The following C2CD5 variants were observed in gnomAD, a reference collection of about 807,000 sequenced individuals.
C2CD5 encodes C2 calcium dependent domain containing 5, also known as C2 domain-containing protein 5.
C2CD5 carries 109 observed loss-of-function variants against 130.3 expected under a neutral mutation model. The ratio of observed to expected loss-of-function variants is 0.84; its 90% confidence interval spans 0.72 to 0.98. The LOEUF (loss-of-function observed/expected upper bound fraction) is 0.98, where lower values mean the gene tolerates loss of function less well. Among genes scored for constraint, C2CD5 ranks in the 50% least tolerant of loss-of-function variants. C2CD5 has a pLI of 0.00. For synonymous variants in C2CD5, 454 were observed against 429.2 expected (o/e 1.06, Z -0.71); for missense variants, 996 against 1,261.8 (o/e 0.79, Z 3.19).
intron 3 of C2CD5, 181 bp downstream of exon 3, chr12:22,535,077 G>A (rs10842035): frequency 0.093 from 52,368 of 560,810 alleles, 5,675 homozygotes; most frequent in African/African-American, 0.41. Flanking sequence ...ATCATATACT[G>A]TATTTTCTTA....
chr12:22,455,890 G>C (rs1456316108), intron 25 of C2CD5, among the ~76,000 whole-genome samples: 1 of 152,094 alleles, frequency 6.6e-6, no homozygotes, highest in African/African-American at 2.4e-5. Context: ...TCGTCATGTT[G>C]GTCAGGCTGG....
At chr12:22,519,185 T>C in intron 7 of C2CD5, 1 of 1,535,738 alleles carries the variant, frequency 6.5e-7, no homozygotes, top group Non-Finnish European at 8.7e-7. Flanking sequence ...CAGTGTGAAT[T>C]GGGCTGTTGT....
chr12:22,527,931 T>A (rs751988257), intron 3 of C2CD5, 39 bp from the exon 4 acceptor site: 18 of 1,309,512 alleles, frequency 1.4e-5, no homozygotes, highest in African/African-American at 1.2e-4. Context: ...ATATAGTTTT[T>A]AAATCTTAAT....
At chr12:22,493,847 C>A (rs1326899290) in intron 10 of C2CD5, among the ~76,000 whole-genome samples, 1 of 151,458 alleles carries the variant, frequency 6.6e-6, no homozygotes, top group Non-Finnish European at 1.5e-5. Context: ...AGCCATCCTT[C>A]TACAGAGATG....
intron 2 of C2CD5, among the ~76,000 whole-genome samples, chr12:22,542,462 A>G (rs1165745478): frequency 6.6e-6 from 1 of 152,222 alleles, no homozygotes; most frequent in African/African-American, 2.4e-5. Flanking sequence ...CACTACCCAC[A>G]TATCTCATAC....
At chr12:22,472,212 A>G in intron 18 of C2CD5, 74 bp downstream of exon 18, 1 of 980,794 alleles carries the variant, frequency 1.0e-6, no homozygotes, top group Non-Finnish European at 1.5e-6. Flanking sequence ...AAAAAAAAAA[A>G]GACAAATATT....
Position 22,458,526 on chromosome 12 carries a change from T to A in C2CD5, c.2644A>T (p.Lys882Ter). ...DRCSSWIELIKLKAQTIRRGS... is the reference protein window; with the variant it reads ...DRCSSWIELI Reference sequence around the variant, plus strand: ...CGCCTTATGGTCTGAGCTTTCAGTTTAATGAGCTCTATCCAGCTGCTGCAT... The same window carrying A: ...CGCCTTATGGTCTGAGCTTTCAGTTAAATGAGCTCTATCCAGCTGCTGCAT... Residue 882 changes from lysine to a stop codon, truncating the protein, a stop_gained, in exon 24 of 27, where the codon AAA becomes TAA. Transcript: ENST00000446597. LOFTEE classifies it high-confidence loss of function. The A allele has an allele frequency of 7.6e-7, 1 of 1,308,750 alleles. No homozygotes were observed. The allele number at this position is 1,308,750 out of a possible 1,614,324, so 81.1% of individuals were successfully genotyped here. A position where few individuals can be genotyped will look rare whatever the true frequency, so the allele number is the denominator to read the frequency against.
At chr12:22,450,608 A>G (rs773038617) in intron 26 of C2CD5, among the ~76,000 whole-genome samples, 22 of 152,122 alleles carry the variant, frequency 1.4e-4, no homozygotes, top group Non-Finnish European at 3.2e-4. Flanking sequence ...CTATATTTAT[A>G]TAAAGAATAT....
rs772718244 is a variant in C2CD5, at chr12:22,544,166, C to T, written c.-16G>A. ...TCCCTGGCATGGTCTCGGTTTCGGC[C>T]TCTTCTTGGGCTCCTGCAGAAACAA... On this transcript the variant is annotated 5_prime_UTR_variant, in exon 2 of 27. Coordinates refer to ENST00000446597, the MANE Select transcript of C2CD5 (RefSeq NM_001286176.2). 4.6e-5 allele frequency: 74 copies of T among 1,613,204 alleles called. No homozygotes were observed. The Middle Eastern group carries it at 1.5e-3, about 32-fold the overall frequency.
chr12:22,491,045 C>T (rs985793919), intron 11 of C2CD5, among the ~76,000 whole-genome samples: 1 of 152,152 alleles, frequency 6.6e-6, no homozygotes, highest in Non-Finnish European at 1.5e-5. Context: ...AACATGAAAC[C>T]ACTGATGTCT....
At chr12:22,470,709 G>T in intron 21 of C2CD5, 115 bp downstream of exon 21, 1 of 644,760 alleles carries the variant, frequency 1.6e-6, no homozygotes, top group Non-Finnish European at 2.7e-6. Flanking sequence ...AGAAAAAGCA[G>T]CAAATATTCT....
At chr12:22,526,979 C>T (rs1036925276) in intron 4 of C2CD5, among the ~76,000 whole-genome samples, 1 of 152,150 alleles carries the variant, frequency 6.6e-6, no homozygotes, top group African/African-American at 2.4e-5. Flanking sequence ...ATGGCAAAAC[C>T]GTGTCTCTAC....
intron 11 of C2CD5, among the ~76,000 whole-genome samples, chr12:22,491,586 A>C (rs111557474): frequency 5.9e-5 from 9 of 152,210 alleles, no homozygotes; most frequent in African/African-American, 1.9e-4. Context: ...CTAAAACCAT[A>C]TCTCTGGCCG....
intron 4 of C2CD5, among the ~76,000 whole-genome samples, chr12:22,527,401 C>A (rs1235898451): frequency 1.0e-4 from 15 of 149,850 alleles, no homozygotes; most frequent in Non-Finnish European, 2.1e-4. Flanking sequence ...TCACCACAAC[C>A]TCCGCCTCCC....
chr12:22,519,050 G>A, intron 7 of C2CD5: 3 of 1,436,668 alleles, frequency 2.1e-6, no homozygotes, highest in Admixed American at 2.2e-5. Context: ...CTGCCTGCCT[G>A]CCTCTGCAGC....
At chr12:22,538,175 T>C (rs1344067969) in intron 2 of C2CD5, among the ~76,000 whole-genome samples, 1 of 152,244 alleles carries the variant, frequency 6.6e-6, no homozygotes, top group African/African-American at 2.4e-5. Context: ...ACCTCTTCTT[T>C]GTGTAAAAGT....
rs375227620 is a variant in C2CD5, at chr12:22,544,171, C to G, written c.-21G>C. The G allele has an allele frequency of 6.2e-7, 1 of 1,611,510 alleles. No homozygotes were observed. The highest frequency in any genetic ancestry group is 2.2e-5 in the East Asian group (1 of 44,834). ...GGCATGGTCTCGGTTTCGGCCTCTTCTTGGGCTCCTGCAGAAACAAACAAA... is the reference window on the plus strand; with the variant it reads ...GGCATGGTCTCGGTTTCGGCCTCTTGTTGGGCTCCTGCAGAAACAAACAAA... On this transcript the variant is annotated 5_prime_UTR_variant, in exon 2 of 27. Transcript: ENST00000446597.
At position 22,512,609 on chromosome 12, in the gene C2CD5, A is replaced by G. The variant is rs1027106161; in HGVS notation, c.1038+685T>C. 2.9e-5 allele frequency: 40 copies of G among 1,361,676 alleles called. No homozygotes were observed. In the Admixed American group the frequency reaches 4.0e-4, roughly 14 times the overall value. The allele number at this position is 1,361,676 out of a possible 1,614,324, so 84.3% of individuals were successfully genotyped here. On this transcript the variant is annotated intron_variant, in intron 9 of 26. Coordinates refer to ENST00000446597, the MANE Select transcript of C2CD5 (RefSeq NM_001286176.2). ...AGATTAAAACTAGAAAGCTATCAAT[A>G]CAAGAAATAGGCTCTCACACATTTT...
At chr12:22,506,942 C>T (rs537486633) in intron 9 of C2CD5, 123 bp from the exon 10 acceptor site, 23 of 638,774 alleles carry the variant, frequency 3.6e-5, no homozygotes, top group South Asian at 3.2e-4. Context: ...ACCCATTACA[C>T]ATCACACATG....
Sources: gnomAD v4.1 joint callset for allele counts (sites outside exome capture counted in the v4.1 genomes callset) on GRCh38, gnomAD v4.1.1 for gene constraint, MANE v1.5 for transcripts, NCBI Gene and HGNC (gene_info 2026-07-23, HGNC 2026-07-21) for gene names.